NRXN3: variants seen among roughly 807,000 people sequenced by gnomAD.
The protein encoded by NRXN3 is neurexin III.
Under a neutral mutation model 137.6 loss-of-function variants are expected in NRXN3, and 32 were observed. The observed-to-expected ratio is 0.23, with a 90% CI of 0.18 to 0.31. NRXN3 has a LOEUF of 0.31. Among genes scored for constraint, NRXN3 ranks in the 10% least tolerant of loss-of-function variants. The pLI, the probability that NRXN3 is intolerant of heterozygous loss-of-function variation, is 1.00. For missense variants in NRXN3, 1,574 were observed against 2,062.5 expected, an observed-to-expected ratio of 0.76 and a Z score of 4.59; for synonymous variants, 798 against 784.5, an observed-to-expected ratio of 1.02 and a Z score of -0.29.
intron 8 of NRXN3, among the ~76,000 whole-genome samples, chr14:78,716,765 T>C (rs941150086): frequency 2.0e-5 from 3 of 152,202 alleles, no homozygotes; most frequent in Non-Finnish European, 2.9e-5. Context: ...AAACCCTTTT[T>C]ACAGTCAGAT....
rs538588334 is a variant in NRXN3 at position 79,436,751 on chromosome 14, C to G, written c.3263-30470C>G. Among the ~76,000 whole-genome samples, 24 of 152,344 alleles carry G rather than the reference C, an allele frequency of 1.6e-4. No homozygotes were observed. The South Asian group carries it at 4.8e-3, about 30-fold the overall frequency. ...GCATCCTTTTTCGCAACAGTGAGGA[C>G]TGCAGGTACCACTAAAATCATTGCT... On this transcript the variant is annotated intron_variant, in intron 15 of 20. Transcript: ENST00000335750.
At chr14:78,241,318 T>A (rs2067052476) in intron 1 of NRXN3, among the ~76,000 whole-genome samples, 1 of 152,166 alleles carries the variant, frequency 6.6e-6, no homozygotes, top group African/African-American at 2.4e-5. Context: ...CTAGGATTTG[T>A]TGTCACCTCC....
At chr14:78,519,502 T>G (rs2096257142) in intron 4 of NRXN3, among the ~76,000 whole-genome samples, 2 of 152,196 alleles carry the variant, frequency 1.3e-5, no homozygotes, top group Non-Finnish European at 2.9e-5. Context: ...ATTCATTAAT[T>G]TATTTACTCA....
At chr14:78,573,949 T>C (rs745684203) in intron 4 of NRXN3, among the ~76,000 whole-genome samples, 15 of 152,186 alleles carry the variant, frequency 9.9e-5, no homozygotes, top group Non-Finnish European at 2.1e-4. Context: ...AAAAATGGTT[T>C]CATGGATTGG....
intron 15 of NRXN3, among the ~76,000 whole-genome samples, chr14:79,130,157 T>G (rs1383519016): frequency 6.6e-6 from 1 of 151,264 alleles, no homozygotes; most frequent in Non-Finnish European, 1.5e-5. Flanking sequence ...GTCTTTTAAT[T>G]GGAGCATTTA....
intron 15 of NRXN3, among the ~76,000 whole-genome samples, chr14:79,271,329 A>T (rs1166833834): frequency 6.6e-6 from 1 of 152,108 alleles, no homozygotes; most frequent in Non-Finnish European, 1.5e-5. Context: ...GGAAATAAAG[A>T]ATGTGGCTTC....
chr14:79,389,428 C>T (rs959192401), intron 15 of NRXN3, among the ~76,000 whole-genome samples: 4 of 152,192 alleles, frequency 2.6e-5, no homozygotes, highest in African/African-American at 9.6e-5. Flanking sequence ...GACGGCAGAG[C>T]CCTTGTGACC....
intron 4 of NRXN3, among the ~76,000 whole-genome samples, chr14:78,451,477 C>T (rs1416888575): frequency 6.6e-6 from 1 of 152,186 alleles, no homozygotes; most frequent in African/African-American, 2.4e-5. Context: ...CCTTTCATGA[C>T]AGATTGAAAT....
intron 20 of NRXN3, among the ~76,000 whole-genome samples, chr14:79,812,364 A>G (rs2099237183): frequency 6.6e-6 from 1 of 152,212 alleles, no homozygotes; most frequent in Admixed American, 6.5e-5. Flanking sequence ...AGTTCAGTTT[A>G]TTAGGAAAGG....
intron 15 of NRXN3, among the ~76,000 whole-genome samples, chr14:79,130,256 G>A (rs2057254687): frequency 6.6e-6 from 1 of 151,908 alleles, no homozygotes; most frequent in Non-Finnish European, 1.5e-5. Flanking sequence ...ATTAGTTGAT[G>A]CAGTTTCTTC....
At chr14:78,363,885 C>A (rs549350970) in intron 4 of NRXN3, among the ~76,000 whole-genome samples, 12 of 152,198 alleles carry the variant, frequency 7.9e-5, no homozygotes, top group Non-Finnish European at 1.3e-4. Context: ...TGAGAACCTC[C>A]CTTCTCAAAT....
intron 4 of NRXN3, among the ~76,000 whole-genome samples, chr14:78,317,488 A>G (rs150219072): frequency 6.6e-6 from 1 of 152,292 alleles, no homozygotes; most frequent in East Asian, 1.9e-4. Flanking sequence ...TCTGAGGTGG[A>G]ACAGTTTCAT....
At chr14:79,512,495 G>T (rs117262582) in intron 16 of NRXN3, among the ~76,000 whole-genome samples, 1 of 152,124 alleles carries the variant, frequency 6.6e-6, no homozygotes, top group South Asian at 2.1e-4. Context: ...TATAGAAATA[G>T]AAAATAATAG....
intron 1 of NRXN3, among the ~76,000 whole-genome samples, chr14:78,180,739 C>A (rs921249595): frequency 1.3e-5 from 2 of 152,146 alleles, no homozygotes; most frequent in Admixed American, 1.3e-4. Flanking sequence ...ATCCTGGGCC[C>A]CATAAATCCC....
intron 1 of NRXN3, among the ~76,000 whole-genome samples, chr14:78,200,758 C>G (rs2061603568): frequency 6.6e-6 from 1 of 152,222 alleles, no homozygotes; most frequent in South Asian, 2.1e-4. Context: ...TCTCCAATAT[C>G]TCAGGCAAAA....
Position 79,772,948 on chromosome 14 carries a change from C to G in NRXN3, c.4015-32164C>G, listed in dbSNP as rs565794270. ...ATTTACAAGAAAAAAACATACAACC[C>G]CATCAAAAAGTGGGCAAAGGATATG... On this transcript the variant is annotated intron_variant, in intron 19 of 20. Coordinates refer to ENST00000335750, the MANE Select transcript of NRXN3 (RefSeq NM_001330195.2). Among the ~76,000 whole-genome samples the G allele has an allele frequency of 3.9e-5, 6 of 152,180 alleles. No individual in the cohort carries two copies. In the East Asian group the frequency reaches 1.2e-3, roughly 29 times the overall value.
intron 8 of NRXN3, among the ~76,000 whole-genome samples, chr14:78,765,711 G>A (rs1358017822): frequency 6.6e-6 from 1 of 151,590 alleles, no homozygotes; most frequent in Non-Finnish European, 1.5e-5. Flanking sequence ...TGTTTGTTAA[G>A]TGAATAAATG....
intron 19 of NRXN3, among the ~76,000 whole-genome samples, chr14:79,739,647 T>TAAAAAAAA (rs2098953792): frequency 1.2e-4 from 1 of 8,570 alleles, no homozygotes; most frequent in Admixed American, 2.3e-3. Flanking sequence ...AGACTCTGCC[T>TAAAAAAAA]CAAAAAAAAA....
intron 4 of NRXN3, among the ~76,000 whole-genome samples, chr14:78,481,059 T>A (rs2095465049): frequency 1.3e-5 from 2 of 152,156 alleles, no homozygotes. Flanking sequence ...CACAGCCAGG[T>A]GGTGGTGTAG....
Sources: allele counts gnomAD v4.1 joint callset (sites outside exome capture counted in the v4.1 genomes callset), GRCh38; gene constraint gnomAD v4.1.1; transcripts MANE v1.5; gene names NCBI Gene and HGNC (gene_info 2026-07-23, HGNC 2026-07-21).